TMEM236: variants seen among roughly 807,000 people sequenced by gnomAD.
TMEM236 encodes family with sequence similarity 23, member A.
A neutral mutation model predicts 14.7 loss-of-function variants in TMEM236; 11 were observed. The ratio of observed to expected loss-of-function variants is 0.75; its 90% CI spans 0.47 to 1.24. TMEM236 has a LOEUF of 1.24. TMEM236 is among the 50% of genes most tolerant of loss of function. The pLI is 0.00. For synonymous variants in TMEM236, 182 were observed against 168.6 expected (o/e 1.08, Z -0.62); for missense variants, 464 against 427.3 (o/e 1.09, Z -0.76).
chr10:17,757,331 C>T (rs1356318138), intron 1 of TMEM236, among the ~76,000 whole-genome samples: 4 of 152,126 alleles, frequency 2.6e-5, no homozygotes, highest in Admixed American at 2.0e-4. Flanking sequence ...GGCATGGTAG[C>T]TCCTGCCTGT....
intron 1 of TMEM236, among the ~76,000 whole-genome samples, chr10:17,765,927 A>G (rs984838026): frequency 6.6e-6 from 1 of 151,958 alleles, no homozygotes; most frequent in Non-Finnish European, 1.5e-5. Context: ...CCATCAACCC[A>G]TTTTCTCCCT....
intron 3 of TMEM236, among the ~76,000 whole-genome samples, chr10:17,787,534 T>C (rs1391586655): frequency 2.6e-5 from 4 of 152,252 alleles, no homozygotes; most frequent in Non-Finnish European, 5.9e-5. Flanking sequence ...TTTCATGCTT[T>C]GGCTTCCTTG....
intron 3 of TMEM236, among the ~76,000 whole-genome samples, chr10:17,789,981 G>A (rs1437781543): frequency 1.3e-5 from 2 of 152,152 alleles, no homozygotes; most frequent in African/African-American, 2.4e-5. Context: ...TCAAGATCGC[G>A]CCATGGCACT....
At chr10:17,775,722 C>T (rs555199538) in intron 2 of TMEM236, among the ~76,000 whole-genome samples, 6 of 152,332 alleles carry the variant, frequency 3.9e-5, no homozygotes, top group African/African-American at 1.2e-4. Flanking sequence ...AGAAGCTCTG[C>T]TCAGCAGTAG....
rs918572453 is a variant in TMEM236, at chr10:17,781,799, A to G, written c.472+5629A>G. Among the ~76,000 whole-genome samples the G allele has an allele frequency of 1.2e-3, 175 of 149,974 alleles. 3 individuals carry two copies. The highest frequency in any genetic ancestry group is 4.3e-4 in the South Asian group (2 of 4,684). ...AAATTTGCATGCGTGTGTGTGTTGT[A>G]TGTGTGTGTTTGGGAGAAGGGAGAG... On this transcript the variant is annotated intron_variant, in intron 3 of 3. Coordinates refer to ENST00000377495, the MANE Select transcript of TMEM236 (RefSeq NM_001098844.3).
At chr10:17,793,925 A>C (rs1368971792) in intron 3 of TMEM236, among the ~76,000 whole-genome samples, 3 of 152,186 alleles carry the variant, frequency 2.0e-5, no homozygotes, top group African/African-American at 7.2e-5. Flanking sequence ...TATTAAGATG[A>C]TTCCCACTCA....
Position 17,780,858 on chromosome 10 carries a change from T to TG in TMEM236, c.472+4689dup, listed in dbSNP as rs1177397772. 9.2e-5 allele frequency among the ~76,000 whole-genome samples: 14 copies of TG among 152,320 alleles called. No individual in the cohort carries two copies. The South Asian group carries it at 1.2e-3, about 14-fold the overall frequency. The stretch of plus-strand genomic sequence containing the variant: ...GGCTCCTAAATGGGAATTCCAGCCA[T>TG]GACAGAGTGCACCGGGTTTTATAGA... On this transcript the variant is annotated intron_variant, in intron 3 of 3. Coordinates refer to ENST00000377495, the MANE Select transcript of TMEM236 (RefSeq NM_001098844.3).
chr10:17,764,780 C>A (rs1837433408), intron 1 of TMEM236, among the ~76,000 whole-genome samples: 1 of 150,778 alleles, frequency 6.6e-6, no homozygotes, highest in Non-Finnish European at 1.5e-5. Context: ...ACATGGCATT[C>A]TTCCTATGTG....
chr10:17,795,620 A>G (rs1837998971), intron 3 of TMEM236, among the ~76,000 whole-genome samples: 1 of 152,332 alleles, frequency 6.6e-6, no homozygotes, highest in South Asian at 2.1e-4. Context: ...ATCGGCCTCA[A>G]ATAATAGAAT....
At chr10:17,783,255 G>C (rs1021607866) in intron 3 of TMEM236, among the ~76,000 whole-genome samples, 1 of 152,294 alleles carries the variant, frequency 6.6e-6, no homozygotes, top group African/African-American at 2.4e-5. Flanking sequence ...CTAGGGACTG[G>C]TTACACAGGC....
At chr10:17,763,737 G>A (rs1837413880) in intron 1 of TMEM236, among the ~76,000 whole-genome samples, 2 of 152,178 alleles carry the variant, frequency 1.3e-5, no homozygotes, top group Admixed American at 1.3e-4. Context: ...TATTTAAGAG[G>A]TGGGAAAAGA....
chr10:17,767,128 T>C (rs1421881456), intron 1 of TMEM236, among the ~76,000 whole-genome samples: 2 of 152,150 alleles, frequency 1.3e-5, no homozygotes, highest in African/African-American at 4.8e-5. Flanking sequence ...CAACATATCT[T>C]TTTGGGGAGA....
intron 1 of TMEM236, among the ~76,000 whole-genome samples, chr10:17,753,205 T>C (rs1837234418): frequency 6.6e-6 from 1 of 152,220 alleles, no homozygotes; most frequent in South Asian, 2.1e-4. Context: ...GTAAAAGAAT[T>C]CCTTAGCAGG....
Position 17,752,390 on chromosome 10 carries a change from C to T in TMEM236, c.95C>T (p.Ala32Val). The change falls in exon 1 of 4, where the codon GCC (alanine) becomes GTC (valine). Residue 32 changes from alanine (A) to valine (V), a missense_variant. Transcript: ENST00000377495. ...IPTLVITEQFATAYQGTRARS... is the reference protein window; with the variant it reads ...IPTLVITEQFVTAYQGTRARS... ...ACACTCGTGATCACAGAACAGTTTG[C>T]CACCGCCTACCAAGGAACAAGGGCT... 1.2e-6 allele frequency: 2 copies of T among 1,613,900 alleles called. No individual in the cohort carries two copies. Among genetic ancestry groups the T allele is most frequent in the Non-Finnish European group, 8.5e-7 (1 of 1,179,854 alleles).
intron 1 of TMEM236, among the ~76,000 whole-genome samples, chr10:17,752,857 A>G (rs907229223): frequency 1.3e-5 from 2 of 152,172 alleles, no homozygotes; most frequent in Non-Finnish European, 2.9e-5. Flanking sequence ...AGAAGCCACA[A>G]TGCCCGGCCT....
chr10:17,769,991 C>T (rs1189782273), intron 1 of TMEM236, among the ~76,000 whole-genome samples: 4 of 152,072 alleles, frequency 2.6e-5, no homozygotes, highest in African/African-American at 9.7e-5. Flanking sequence ...CCCCTTTCCA[C>T]CCTCCCCTCT....
intron 2 of TMEM236, among the ~76,000 whole-genome samples, chr10:17,775,223 A>G (rs1225450859): frequency 6.6e-6 from 1 of 152,138 alleles, no homozygotes; most frequent in South Asian, 2.1e-4. Flanking sequence ...AACTTTCAAT[A>G]TTTCATCATT....
intron 3 of TMEM236, among the ~76,000 whole-genome samples, chr10:17,794,550 C>T (rs1353879115): frequency 2.6e-5 from 4 of 151,618 alleles, no homozygotes; most frequent in East Asian, 1.9e-4. Flanking sequence ...GACACACACA[C>T]GCACACACAC....
rs1838051557 is a variant in TMEM236, at chr10:17,798,595, C to T, written c.*2091C>T. 1.9e-6 allele frequency: 1 copy of T among 534,232 alleles called. No individual in the cohort carries two copies. The highest frequency in any genetic ancestry group is 1.4e-5 in the South Asian group (1 of 71,578). 33.1% of individuals were successfully genotyped at this position (534,232 alleles called of 1,614,324 possible). ...TTCTACGCTCCACCAAATACCTCTC[C>T]CCTTGCCACCCTGTCTCCCTTTCCC... On this transcript the variant is annotated 3_prime_UTR_variant, in exon 4 of 4. Coordinates refer to ENST00000377495, the MANE Select transcript of TMEM236 (RefSeq NM_001098844.3).
Sources: gnomAD v4.1 joint callset for allele counts (sites outside exome capture counted in the v4.1 genomes callset) on GRCh38, gnomAD v4.1.1 for gene constraint, MANE v1.5 for transcripts, NCBI Gene and HGNC (gene_info 2026-07-23, HGNC 2026-07-21) for gene names.